Variants in STEAP4 observed in about 807,000 individuals in gnomAD.
STEAP4 encodes the protein metalloreductase STEAP4.
A neutral mutation model predicts 43.6 loss-of-function variants in STEAP4; 36 were observed. That is an observed-to-expected ratio of 0.83 (90% CI 0.63 to 1.09). The LOEUF is 1.09. Among genes scored for constraint, STEAP4 ranks in the 50% least tolerant of loss-of-function variants. The probability of loss-of-function intolerance (pLI) is 0.00; values close to 1 mark genes in which losing one functional copy is unlikely to be tolerated. For missense variants in STEAP4, 495 were observed against 546.5 expected, an observed-to-expected ratio of 0.91 and a Z score of 0.94; for synonymous variants, 191 against 196.7, an observed-to-expected ratio of 0.97 and a Z score of 0.24.
At chr7:88,297,225 T>C (rs929302156) in intron 1 of STEAP4, among the ~76,000 whole-genome samples, 1 of 152,192 alleles carries the variant, frequency 6.6e-6, no homozygotes, top group Non-Finnish European at 1.5e-5. Context: ...GGAAATGTTA[T>C]CTCCTTACAA....
chr7:88,306,521 A>G (rs1274344296), intron 1 of STEAP4, among the ~76,000 whole-genome samples: 1 of 152,254 alleles, frequency 6.6e-6, no homozygotes, highest in Non-Finnish European at 1.5e-5. Flanking sequence ...AGTAAGATGC[A>G]GAGAAGAATC....
At position 88,281,024 on chromosome 7, in the gene STEAP4, G is replaced by A. The variant is rs754649535; in HGVS notation, c.1040C>T (p.Ser347Leu). Residue 347 changes from serine (S) to leucine (L), a missense_variant, in exon 4 of 5, where the codon TCA (serine) becomes TTA (leucine). Physicochemically the swap from Ser to Leu is moderately radical, Grantham distance 145 (BLOSUM62 -2). Coordinates refer to ENST00000380079, the MANE Select transcript of STEAP4 (RefSeq NM_024636.4). ...FSTSSAWLSDSYVALGILGFF... is the reference protein window; with the variant it reads ...FSTSSAWLSDLYVALGILGFF... Reference sequence around the variant, plus strand: ...CCCAAGTATTCCCAAAGCCACATATGAATCACTGAGCCAGGCTGAGGAGGT... The same window carrying A: ...CCCAAGTATTCCCAAAGCCACATATAAATCACTGAGCCAGGCTGAGGAGGT... The A allele has an allele frequency of 6.2e-7, 1 of 1,612,984 alleles. No individual in the cohort carries two copies. Among genetic ancestry groups the A allele is most frequent in the Non-Finnish European group, 8.5e-7 (1 of 1,179,630 alleles).
At chr7:88,299,459 G>T (rs999694966) in intron 1 of STEAP4, among the ~76,000 whole-genome samples, 3 of 152,138 alleles carry the variant, frequency 2.0e-5, no homozygotes, top group African/African-American at 7.2e-5. Flanking sequence ...TTACAAATCT[G>T]TGGGTCACCA....
rs1317276068 is a variant in STEAP4 at position 88,274,064 on chromosome 7, C to A, written c.*5334G>T. 1 of 152,154 alleles carries A rather than the reference C, an allele frequency of 6.6e-6. No individual in the cohort carries two copies. The highest frequency in any genetic ancestry group is 2.4e-5 in the African/African-American group (1 of 41,444). 9.4% of individuals were successfully genotyped at this position (152,154 alleles called of 1,614,324 possible). A position where few individuals can be genotyped will look rare whatever the true frequency, so the allele number is the denominator to read the frequency against. ...TTTAAGAGGACAGCATGGGTGTCCC[C>A]TATTATATCGTTGTGTTAAAAGGAG... On this transcript the variant is annotated 3_prime_UTR_variant, in exon 5 of 5. Transcript: ENST00000380079.
chr7:88,280,997 A>T lies in STEAP4; in HGVS notation c.1067T>A (p.Phe356Tyr). ...DSYVALGILG[F>Y]FLFVLLGITS... ...GATTCCCAAGAGTACAAACAGAAAAAACCCAAGTATTCCCAAAGCCACATA... is the reference window on the plus strand; with the variant it reads ...GATTCCCAAGAGTACAAACAGAAAATACCCAAGTATTCCCAAAGCCACATA... Residue 356 changes from phenylalanine (F) to tyrosine (Y), a missense_variant, in exon 4 of 5, where the codon TTT (phenylalanine) becomes TAT (tyrosine). Transcript: ENST00000380079. The T allele has an allele frequency of 6.2e-7, 1 of 1,613,426 alleles. No homozygotes were observed. Among genetic ancestry groups the T allele is most frequent in the Non-Finnish European group, 8.5e-7 (1 of 1,179,744 alleles).
intron 1 of STEAP4, 130 bp from the exon 2 acceptor site, chr7:88,284,401 C>T (rs1169366866): frequency 1.4e-6 from 1 of 717,242 alleles, no homozygotes; most frequent in East Asian, 2.9e-5. Context: ...TATTTACCCC[C>T]AAATTTGGAA....
chr7:88,291,644 T>C (rs1852836026), intron 1 of STEAP4, among the ~76,000 whole-genome samples: 1 of 152,172 alleles, frequency 6.6e-6, no homozygotes, highest in Admixed American at 6.5e-5. Flanking sequence ...TGTGTGTAAA[T>C]ATACGTTCAT....
rs190441506 is a variant in STEAP4, at chr7:88,284,403, A to G, written c.-2-132T>C. ...ATTATCTTAACTATATTTACCCCCAAATTTGGAAGGAGTAAAAATTGTCAT... is the reference window on the plus strand; with the variant it reads ...ATTATCTTAACTATATTTACCCCCAGATTTGGAAGGAGTAAAAATTGTCAT... On this transcript the variant is annotated intron_variant, in intron 1 of 4. Transcript: ENST00000380079. 6.3e-4 allele frequency: 441 copies of G among 695,858 alleles called. 4 individuals are homozygous for G. The East Asian group carries it at 0.012, about 19-fold the overall frequency. 43.1% of individuals were successfully genotyped at this position (695,858 alleles called of 1,614,324 possible).
Position 88,279,012 on chromosome 7 carries a change from A to G in STEAP4, c.*386T>C, listed in dbSNP as rs1263862307. On this transcript the variant is annotated 3_prime_UTR_variant, in exon 5 of 5. Transcript: ENST00000380079. ...TCACCATTGTGCTGTTTTTCCTTTCACTTAACTCAGCCCTTGAGCCAGAGA... is the reference window on the plus strand; with the variant it reads ...TCACCATTGTGCTGTTTTTCCTTTCGCTTAACTCAGCCCTTGAGCCAGAGA... 1 of 206,144 alleles carries G rather than the reference A, an allele frequency of 4.9e-6. No individual in the cohort carries two copies. The highest frequency in any genetic ancestry group is 1.0e-5 in the Non-Finnish European group (1 of 99,358). 12.8% of individuals were successfully genotyped at this position (206,144 alleles called of 1,614,324 possible).
chr7:88,299,390 C>T (rs1048343625), intron 1 of STEAP4, among the ~76,000 whole-genome samples: 7 of 152,322 alleles, frequency 4.6e-5, no homozygotes, highest in African/African-American at 1.4e-4. Flanking sequence ...GGGATTCAGT[C>T]GTGTCTCTGG....
At chr7:88,285,468 T>C (rs1852714748) in intron 1 of STEAP4, among the ~76,000 whole-genome samples, 2 of 152,100 alleles carry the variant, frequency 1.3e-5, no homozygotes, top group African/African-American at 4.8e-5. Flanking sequence ...ATATTAAATA[T>C]TAAAATTTTT....
chr7:88,305,790 T>C (rs1204173729), intron 1 of STEAP4, among the ~76,000 whole-genome samples: 14 of 150,174 alleles, frequency 9.3e-5, no homozygotes, highest in African/African-American at 3.1e-4. Flanking sequence ...TTGTTAGAGT[T>C]GAACTTTCTG....
At chr7:88,294,399 A>C (rs1350215652) in intron 1 of STEAP4, among the ~76,000 whole-genome samples, 2 of 145,632 alleles carry the variant, frequency 1.4e-5, no homozygotes, top group Non-Finnish European at 3.0e-5. Flanking sequence ...ACTTAAAATG[A>C]AAAAAAAAAA....
intron 3 of STEAP4, 70 bp downstream of exon 3, chr7:88,282,571 G>T: frequency 7.3e-7 from 1 of 1,361,396 alleles, no homozygotes; most frequent in Non-Finnish European, 1.0e-6. Context: ...CTATAATTAT[G>T]AAATGGAATA....
chr7:88,279,276 T>G lies in STEAP4; in HGVS notation c.*122A>C. 1.2e-6 allele frequency: 1 copy of G among 800,390 alleles called. No individual in the cohort carries two copies. Among genetic ancestry groups the G allele is most frequent in the Non-Finnish European group, 2.0e-6 (1 of 505,482 alleles). The allele number at this position is 800,390 out of a possible 1,614,324, so 49.6% of individuals were successfully genotyped here. On this transcript the variant is annotated 3_prime_UTR_variant, in exon 5 of 5. Transcript: ENST00000380079. ...CAAGCAATGTTTCCCTCAGTCACGGTGTAAGAAAAAAACTTTCCTAACTGT... is the reference window on the plus strand; with the variant it reads ...CAAGCAATGTTTCCCTCAGTCACGGGGTAAGAAAAAAACTTTCCTAACTGT...
At chr7:88,286,265 A>G (rs907447837) in intron 1 of STEAP4, among the ~76,000 whole-genome samples, 1 of 152,248 alleles carries the variant, frequency 6.6e-6, no homozygotes, top group African/African-American at 2.4e-5. Flanking sequence ...ATACTGAGGC[A>G]TATTAGAATT....
At position 88,279,184 on chromosome 7, in the gene STEAP4, A is replaced by AC; in HGVS notation, c.*213dup. On this transcript the variant is annotated 3_prime_UTR_variant, in exon 5 of 5. Coordinates refer to ENST00000380079, the MANE Select transcript of STEAP4 (RefSeq NM_024636.4). Reference sequence around the variant, plus strand: ...GGGAAAATAAGAGTCAGGGACCTGCACTGATTCTTCACTAACCTGAGATAA... The same window carrying AC: ...GGGAAAATAAGAGTCAGGGACCTGCACCTGATTCTTCACTAACCTGAGATAA... The AC allele has an allele frequency of 1.8e-6, 1 of 557,244 alleles. No individual in the cohort carries two copies. The highest frequency in any genetic ancestry group is 3.2e-6 in the Non-Finnish European group (1 of 312,176). The allele number at this position is 557,244 out of a possible 1,614,324, so 34.5% of individuals were successfully genotyped here.
chr7:88,284,129 A>T lies in STEAP4; in HGVS notation c.141T>A (p.Phe47Leu). The T allele has an allele frequency of 6.2e-7, 1 of 1,614,148 alleles. No homozygotes were observed. ...KMLQCGYSVVFGSRNPQKTTL... is the reference protein window; with the variant it reads ...KMLQCGYSVVLGSRNPQKTTL... ...TGGTCTTCTGGGGGTTTCGACTTCC[A>T]AAAACAACAGAATAACCACACTGGA... The change falls in exon 2 of 5, where the codon TTT becomes TTA. Residue 47 changes from phenylalanine to leucine, a missense_variant. By Grantham distance (22) the Phe-to-Leu change is conservative (BLOSUM62 0). Coordinates refer to ENST00000380079, the MANE Select transcript of STEAP4 (RefSeq NM_024636.4).
Position 88,298,509 on chromosome 7 carries a change from A to ACACACC in STEAP4, c.-3+8282_-3+8283insGGTGTG, listed in dbSNP as rs1554543553. ...CACACACACACACACACACACACAC[A>ACACACC]CCTTTTACTCCAGGGGGAGAGGAAC... On this transcript the variant is annotated intron_variant, in intron 1 of 4. Coordinates refer to ENST00000380079, the MANE Select transcript of STEAP4 (RefSeq NM_024636.4). Among the ~76,000 whole-genome samples, 4 of 146,318 alleles carry ACACACC rather than the reference A, an allele frequency of 2.7e-5. No homozygotes were observed. The South Asian group carries it at 8.7e-4, about 32-fold the overall frequency.
Sources: allele counts gnomAD v4.1 joint callset (sites outside exome capture counted in the v4.1 genomes callset), GRCh38; gene constraint gnomAD v4.1.1; transcripts MANE v1.5; gene names NCBI Gene and HGNC (gene_info 2026-07-23, HGNC 2026-07-21).